JAK2: variants seen among roughly 807,000 people sequenced by gnomAD.
The protein encoded by JAK2 is Janus kinase 2.
JAK2 carries 86 observed loss-of-function variants against 139.3 expected under a neutral mutation model. That is an observed-to-expected ratio of 0.62 (90% CI 0.52 to 0.74). The LOEUF (loss-of-function observed/expected upper bound fraction) is 0.74, where lower values mean the gene tolerates loss of function less well. Among genes scored for constraint, JAK2 ranks in the 30% least tolerant of loss-of-function variants. The pLI, the probability that JAK2 is intolerant of heterozygous loss-of-function variation, is 0.00. For missense variants in JAK2, 1,421 were observed against 1,360.3 expected (o/e 1.04, Z -0.70); for synonymous variants, 490 against 437.7 (o/e 1.12, Z -1.49).
intron 22 of JAK2, among the ~76,000 whole-genome samples, chr9:5,105,224 A>C (rs1821855025): frequency 6.6e-6 from 1 of 152,220 alleles, no homozygotes; most frequent in South Asian, 2.1e-4. Context: ...CAGGATACAA[A>C]ATCAATGTGC....
intron 14 of JAK2, among the ~76,000 whole-genome samples, chr9:5,075,545 A>G (rs1819254054): frequency 6.6e-6 from 1 of 152,218 alleles, no homozygotes; most frequent in Non-Finnish European, 1.5e-5. Context: ...GAAAGCCTAG[A>G]TGACAGCACA....
chr9:5,066,635 G>T, intron 9 of JAK2, 43 bp from the exon 10 acceptor site: 2 of 1,045,856 alleles, frequency 1.9e-6, no homozygotes, highest in South Asian at 1.3e-5. Flanking sequence ...ATAATATTAT[G>T]GTGCTTGATA....
chr9:4,991,615 T>G (rs981191816), intron 2 of JAK2, among the ~76,000 whole-genome samples: 18 of 152,130 alleles, frequency 1.2e-4, no homozygotes, highest in African/African-American at 4.3e-4. Context: ...GATCACATGG[T>G]AAAATGTGTA....
At chr9:5,120,370 T>G (rs1823523402) in intron 22 of JAK2, among the ~76,000 whole-genome samples, 1 of 152,202 alleles carries the variant, frequency 6.6e-6, no homozygotes, top group Non-Finnish European at 1.5e-5. Flanking sequence ...AAACACTAAA[T>G]CTGAAGTCTG....
chr9:5,000,607 C>G (rs537351918), intron 2 of JAK2, among the ~76,000 whole-genome samples: 2 of 152,196 alleles, frequency 1.3e-5, no homozygotes, highest in Admixed American at 1.3e-4. Context: ...TCTTTTTAAA[C>G]TTTTTGAGCT....
intron 2 of JAK2, among the ~76,000 whole-genome samples, chr9:5,016,757 A>G (rs1214051392): frequency 6.6e-6 from 1 of 152,092 alleles, no homozygotes; most frequent in African/African-American, 2.4e-5. Context: ...CCCTCCCACT[A>G]TCCCAACCCT....
At chr9:5,098,198 T>G (rs1821173210) in intron 22 of JAK2, 1 of 152,186 alleles carries the variant, frequency 6.6e-6, no homozygotes, top group Non-Finnish European at 1.5e-5. Flanking sequence ...CATTAAACCC[T>G]TAAATGAAAA....
chr9:5,062,500 T>TCAAAA (rs1818254343), intron 8 of JAK2, among the ~76,000 whole-genome samples: 1 of 58,248 alleles, frequency 1.7e-5, no homozygotes, highest in African/African-American at 1.0e-4. Context: ...CTTCCATTTG[T>TCAAAA]AAAAAAAAAA....
Position 5,064,896 on chromosome 9 carries a change from G to T in JAK2, c.1070G>T (p.Ser357Ile). The change falls in exon 9 of 25, where the codon AGC becomes ATC. Residue 357 changes from serine to isoleucine, a missense_variant. Coordinates refer to ENST00000381652, the MANE Select transcript of JAK2 (RefSeq NM_004972.4). ...QDGKNLEIELSSLREALSFVS... is the reference protein window; with the variant it reads ...QDGKNLEIELISLREALSFVS... ...TTCTCTGCTTAGGAAATTGAACTTA[G>T]CTCATTAAGGGAAGCTTTGTCTTTC... 6.3e-7 allele frequency: 1 copy of T among 1,579,912 alleles called. No homozygotes were observed. The highest frequency in any genetic ancestry group is 1.2e-5 in the South Asian group (1 of 85,002).
chr9:5,089,848 G>T lies in JAK2; in HGVS notation c.2746G>T (p.Val916Leu). 1 of 1,529,398 alleles carries T rather than the reference G, an allele frequency of 6.5e-7. No individual in the cohort carries two copies. Among genetic ancestry groups the T allele is most frequent in the Non-Finnish European group, 8.7e-7 (1 of 1,142,976 alleles). 94.7% of individuals were successfully genotyped at this position (1,529,398 alleles called of 1,614,324 possible). ...QHDNIVKYKGVCYSAGRRNLK... is the reference protein window; with the variant it reads ...QHDNIVKYKGLCYSAGRRNLK... ...TGACAACATTGTAAAGTACAAGGGA[G>T]TGTGCTACAGTGCTGGTAAGCTGCC... Residue 916 changes from valine (V) to leucine (L), a missense_variant, in exon 20 of 25, where the codon GTG becomes TTG. Coordinates refer to ENST00000381652, the MANE Select transcript of JAK2 (RefSeq NM_004972.4).
intron 22 of JAK2, chr9:5,112,746 G>C: frequency 1.4e-6 from 1 of 691,106 alleles, no homozygotes; most frequent in Admixed American, 3.4e-5. Context: ...TGTTTGAAAC[G>C]GCGAGAAGAG....
chr9:5,118,380 A>G (rs1467841249), intron 22 of JAK2, among the ~76,000 whole-genome samples: 1 of 152,212 alleles, frequency 6.6e-6, no homozygotes, highest in Admixed American at 6.5e-5. Flanking sequence ...TAACCAAGAT[A>G]TGTATATAAG....
chr9:5,020,583 G>T (rs761343682), intron 2 of JAK2, among the ~76,000 whole-genome samples: 5 of 152,276 alleles, frequency 3.3e-5, no homozygotes, highest in Non-Finnish European at 7.4e-5. Context: ...GTGCACTGCA[G>T]CTGCAGGTGG....
At chr9:5,017,625 A>G (rs1822153003) in intron 2 of JAK2, among the ~76,000 whole-genome samples, 1 of 152,148 alleles carries the variant, frequency 6.6e-6, no homozygotes, top group South Asian at 2.1e-4. Context: ...ATTGCTATAA[A>G]CTTCCCTCTT....
chr9:5,027,731 AC>A (rs981040687), intron 3 of JAK2, among the ~76,000 whole-genome samples: 2 of 152,216 alleles, frequency 1.3e-5, no homozygotes, highest in African/African-American at 4.8e-5. Context: ...TGTCATTTCA[AC>A]AATATTCACA....
intron 22 of JAK2, chr9:5,095,040 ATTACT>A (rs1820880359): frequency 6.8e-6 from 1 of 147,076 alleles, no homozygotes; most frequent in African/African-American, 2.4e-5. Flanking sequence ...TGACAAAAGA[ATTACT>A]TTGATAGAGT....
At chr9:5,084,433 C>T (rs1202836938) in intron 19 of JAK2, among the ~76,000 whole-genome samples, 2 of 152,050 alleles carry the variant, frequency 1.3e-5, no homozygotes, top group Non-Finnish European at 2.9e-5. Context: ...TACTGTATCC[C>T]TTTGTTATCC....
intron 19 of JAK2, among the ~76,000 whole-genome samples, chr9:5,084,442 C>T (rs1819929211): frequency 6.6e-6 from 1 of 152,020 alleles, no homozygotes; most frequent in African/African-American, 2.4e-5. Flanking sequence ...CCTTTGTTAT[C>T]CTTTTCAATT....
intron 22 of JAK2, chr9:5,114,845 C>A (rs1440169747): frequency 8.2e-6 from 2 of 243,578 alleles, no homozygotes; most frequent in Non-Finnish European, 1.6e-5. Flanking sequence ...CTCTGTCCAG[C>A]TGTGTGGTGG....
Sources: gnomAD v4.1 joint callset for allele counts (sites outside exome capture counted in the v4.1 genomes callset) on GRCh38, gnomAD v4.1.1 for gene constraint, MANE v1.5 for transcripts, NCBI Gene and HGNC (gene_info 2026-07-23, HGNC 2026-07-21) for gene names.